Variants in MYO15A observed in about 807,000 individuals in gnomAD.
The protein encoded by MYO15A is myosin XVA, also known as unconventional myosin-XV.
A neutral mutation model predicts 394.6 loss-of-function variants in MYO15A; 308 were observed. The ratio of observed to expected loss-of-function variants is 0.78; its 90% CI spans 0.71 to 0.86. MYO15A has a LOEUF of 0.86. Among genes scored for constraint, MYO15A ranks in the 40% least tolerant of loss-of-function variants. The probability of loss-of-function intolerance (pLI) is 0.00; values close to 1 mark genes in which losing one functional copy is unlikely to be tolerated. For synonymous variants in MYO15A, 1,957 were observed against 2,003.8 expected (o/e 0.98, Z 0.62); for missense variants, 4,606 against 4,799.1 (o/e 0.96, Z 1.19).
At chr17:18,124,336 C>G in intron 2 of MYO15A, 147 bp from the exon 3 acceptor site, 1 of 759,478 alleles carries the variant, frequency 1.3e-6, no homozygotes, top group Non-Finnish European at 2.3e-6. Context: ...CCACAGCATT[C>G]TGTAATGAGG....
In MYO15A at chr17:18,166,293, T is replaced by G. The variant is rs967401126; in HGVS notation, c.9788-68T>G. 2.5e-6 allele frequency: 4 copies of G among 1,592,804 alleles called. No individual in the cohort carries two copies. The African/African-American group carries it at 5.4e-5, about 21-fold the overall frequency. ...AGCAGATTGGGGTCTGCACACATGC[T>G]CTGTACAGGTGCACACATGTGTGTG... On this transcript the variant is annotated intron_variant, in intron 60 of 65. Coordinates refer to ENST00000647165, the MANE Select transcript of MYO15A (RefSeq NM_016239.4).
chr17:18,161,983 G>A (rs1287050826), intron 57 of MYO15A, among the ~76,000 whole-genome samples: 2 of 152,278 alleles, frequency 1.3e-5, no homozygotes, highest in East Asian at 3.9e-4. Context: ...CACCATGGCA[G>A]CCGTGGAGGA....
intron 1 of MYO15A, among the ~76,000 whole-genome samples, chr17:18,114,539 A>T (rs1028691204): frequency 2.0e-5 from 3 of 152,166 alleles, no homozygotes; most frequent in Non-Finnish European, 4.4e-5. Context: ...GGCATGAGCC[A>T]CTGCACCTGG....
chr17:18,111,960 C>G (rs956451343), intron 1 of MYO15A, among the ~76,000 whole-genome samples: 1 of 152,210 alleles, frequency 6.6e-6, no homozygotes, highest in Non-Finnish European at 1.5e-5. Flanking sequence ...CTGGGCTCCA[C>G]GTCCCCTGGG....
chr17:18,124,368 C>T, intron 2 of MYO15A, 115 bp from the exon 3 acceptor site: 1 of 1,060,392 alleles, frequency 9.4e-7, no homozygotes, highest in East Asian at 2.5e-5. Flanking sequence ...ACCCACCTGG[C>T]CTTGGGGTTC....
intron 2 of MYO15A, chr17:18,123,750 T>C (rs1454500973): frequency 1.3e-5 from 2 of 154,048 alleles, no homozygotes; most frequent in Admixed American, 6.3e-5. Context: ...CCTCTGCCCA[T>C]GTGCACAGAC....
Position 18,149,342 on chromosome 17 carries a change from G to C in MYO15A, c.7083G>C (p.Glu2361Asp). 6.2e-7 allele frequency: 1 copy of C among 1,610,312 alleles called. No individual in the cohort carries two copies. The highest frequency in any genetic ancestry group is 8.5e-7 in the Non-Finnish European group (1 of 1,178,028). Residue 2361 changes from glutamate to aspartate, a missense_variant, in exon 34 of 66, where the codon GAG becomes GAC. This residue lies in a region of MYO15A where 2,776 missense variants were observed against 3,109.3 expected (regional missense o/e 0.89). Transcript: ENST00000647165. ...SSHNQDGTNGETEAQRGTATH... is the reference protein window; with the variant it reads ...SSHNQDGTNGDTEAQRGTATH... ...ACAATCAGGACGGTACAAATGGGGAGACTGAGGCCCAAAGAGGGACAGCAA... is the reference window on the plus strand; with the variant it reads ...ACAATCAGGACGGTACAAATGGGGACACTGAGGCCCAAAGAGGGACAGCAA...
chr17:18,148,927 G>A lies in MYO15A; in HGVS notation c.6931G>A (p.Ala2311Thr). ...SYFIVGTEGP[A>T]ASRGGPKVVF... ...CTTCATTGTGGGCACAGAGGGGCCT[G>A]CAGCCAGCAGGGGAGGCCCCAAAGT... The change falls in exon 33 of 66, where the codon GCA (alanine) becomes ACA (threonine). Residue 2311 changes from alanine (A) to threonine (T), a missense_variant. By Grantham distance (58) the Ala-to-Thr change is moderately conservative. Transcript: ENST00000647165. The surrounding 1 kb of genome is among the most constrained non-coding windows in gnomAD (Gnocchi z 4.8). The A allele has an allele frequency of 6.2e-7, 1 of 1,602,588 alleles. No homozygotes were observed. The highest frequency in any genetic ancestry group is 1.1e-5 in the South Asian group (1 of 89,018).
intron 2 of MYO15A, 102 bp from the exon 3 acceptor site, chr17:18,124,381 T>C: frequency 7.9e-7 from 1 of 1,259,042 alleles, no homozygotes; most frequent in Non-Finnish European, 1.1e-6. Flanking sequence ...TGGGGTTCCC[T>C]CCCCAACAAT....
chr17:18,149,783 C>T lies in MYO15A; in HGVS notation c.7212+203C>T, dbSNP rs1033338. The T allele has an allele frequency of 1.9e-4, 121 of 641,090 alleles. No individual in the cohort carries two copies. In the African/African-American group the frequency reaches 2.0e-3, roughly 10 times the overall value. 39.7% of individuals were successfully genotyped at this position (641,090 alleles called of 1,614,324 possible). ...ATGCTCTTGGCTGATCCTGGAAGGA[C>T]CCACAGTTAGAAGTGCACCTCTAGC... On this transcript the variant is annotated intron_variant, in intron 35 of 65. Transcript: ENST00000647165.
intron 47 of MYO15A, chr17:18,155,937 A>G (rs1215724251): frequency 5.6e-6 from 3 of 536,636 alleles, no homozygotes; most frequent in Non-Finnish European, 1.0e-5. Flanking sequence ...GTGCAAATCT[A>G]GATTTAGAGC....
At position 18,143,874 on chromosome 17, in the gene MYO15A, C is replaced by T. The variant is rs200570722; in HGVS notation, c.6051C>T (p.Leu2017=). 7.0e-6 allele frequency: 11 copies of T among 1,581,358 alleles called. No homozygotes were observed. The highest frequency in any genetic ancestry group is 4.6e-5 in the South Asian group (4 of 87,154). Residue 2017 remains leucine, a synonymous_variant, in exon 28 of 66, where the codon CTC becomes CTT. Transcript: ENST00000647165. ...LAGLLQAVAG[L]GLAQVPQVAP... is the part of the protein sequence containing the mutation. ...CATTCCCTCCTCTTTCCACAGGCCT[C>T]GGGCTGGCCCAGGTGCCTCAGGTGG...
chr17:18,130,776 T>C (rs2046140660), intron 7 of MYO15A, 29 bp from the exon 8 acceptor site: 1 of 1,612,702 alleles, frequency 6.2e-7, no homozygotes, highest in Admixed American at 1.7e-5. Context: ...TGTCTGTCTC[T>C]TTGTCCTCCC....
intron 19 of MYO15A, 115 bp from the exon 20 acceptor site, chr17:18,140,402 T>C: frequency 5.0e-6 from 7 of 1,408,352 alleles, no homozygotes; most frequent in Non-Finnish European, 5.9e-6. Flanking sequence ...AGAACAGGGG[T>C]CCAGTTAGTC....
intron 61 of MYO15A, among the ~76,000 whole-genome samples, chr17:18,167,135 A>G (rs1268541881): frequency 1.3e-5 from 2 of 152,230 alleles, no homozygotes; most frequent in Non-Finnish European, 2.9e-5. Context: ...GTCCAGCACC[A>G]TGCTACTCAA....
rs552589897 is a variant in MYO15A at position 18,156,839 on chromosome 17, A to G, written c.8602-115A>G. ...GAATGCCCTTCCCTCTTCTCACCTA[A>G]TGAAGGCTCCCTTCCCTGATGAGTC... On this transcript the variant is annotated intron_variant, in intron 48 of 65. Coordinates refer to ENST00000647165, the MANE Select transcript of MYO15A (RefSeq NM_016239.4). 3.1e-4 allele frequency: 292 copies of G among 949,532 alleles called. No individual in the cohort carries two copies. The African/African-American group carries it at 4.3e-3, about 14-fold the overall frequency. The allele number at this position is 949,532 out of a possible 1,614,324, so 58.8% of individuals were successfully genotyped here. A position where few individuals can be genotyped will look rare whatever the true frequency, so the allele number is the denominator to read the frequency against.
intron 7 of MYO15A, among the ~76,000 whole-genome samples, chr17:18,128,368 A>G (rs2046091311): frequency 6.6e-6 from 1 of 152,124 alleles, no homozygotes; most frequent in South Asian, 2.1e-4. Flanking sequence ...AGACTTCCCC[A>G]ACCCTGGGGC....
In MYO15A at chr17:18,121,074, C is replaced by T. The variant is rs761299340; in HGVS notation, c.2274C>T (p.Pro758=). ...SRRRGAAFGF[P]GASPRASRRR... ...GGAGAGGGGCGGCTTTCGGCTTCCC[C>T]GGGGCCTCTCCACGGGCGTCGCGGA... The change falls in exon 2 of 66, where the codon CCC becomes CCT. Residue 758 remains proline, a synonymous_variant. Transcript: ENST00000647165. This position sits in a 1 kb window ranked among gnomAD's most constrained non-coding sequence, Gnocchi z 5.3. The T allele has an allele frequency of 3.3e-6, 5 of 1,506,160 alleles. No homozygotes were observed. The highest frequency in any genetic ancestry group is 2.0e-4 in the Middle Eastern group (1 of 4,946). 93.3% of individuals were successfully genotyped at this position (1,506,160 alleles called of 1,614,324 possible). A position where few individuals can be genotyped will look rare whatever the true frequency, so the allele number is the denominator to read the frequency against.
intron 64 of MYO15A, 109 bp downstream of exon 64, chr17:18,172,399 C>A: frequency 1.4e-6 from 2 of 1,474,482 alleles, no homozygotes; most frequent in Non-Finnish European, 1.9e-6. Flanking sequence ...CCACTGCTTA[C>A]CACCTTCATG....
Sources: gnomAD v4.1 joint callset for allele counts (sites outside exome capture counted in the v4.1 genomes callset) on GRCh38, gnomAD v4.1.1 for gene constraint, gnomAD v4.1.1 regional missense constraint, Gnocchi (gnomAD v3.1) non-coding constraint, MANE v1.5 for transcripts, NCBI Gene and HGNC (gene_info 2026-07-23, HGNC 2026-07-21) for gene names.